ARL9: variants seen among roughly 807,000 people sequenced by gnomAD.
ARL9 encodes the protein ADP-ribosylation factor-like protein 9.
Under a neutral mutation model 27.0 loss-of-function variants are expected in ARL9, and 14 were observed. That is an observed-to-expected ratio of 0.52 (90% CI 0.34 to 0.81). The LOEUF is 0.81. Ranked by LOEUF, ARL9 falls within the 30% of genes least tolerant of loss-of-function variation. The probability of loss-of-function intolerance (pLI) is 0.01; values close to 1 mark genes in which losing one functional copy is unlikely to be tolerated. For missense variants in ARL9, 294 were observed against 290.0 expected (o/e 1.01, Z -0.10); for synonymous variants, 106 against 108.7 (o/e 0.98, Z 0.15).
chr4:56,513,645 C>T (rs1560697373), intron 2 of ARL9, among the ~76,000 whole-genome samples: 1 of 152,178 alleles, frequency 6.6e-6, no homozygotes. Flanking sequence ...TGAGTTCAAA[C>T]TGGAGTGGCA....
intron 2 of ARL9, among the ~76,000 whole-genome samples, chr4:56,513,415 G>A (rs1721691619): frequency 6.6e-6 from 1 of 152,182 alleles, no homozygotes; most frequent in Non-Finnish European, 1.5e-5. Flanking sequence ...AATTCTTGTA[G>A]TTTATGCACT....
chr4:56,519,627 T>C (rs1402818766), intron 3 of ARL9, among the ~76,000 whole-genome samples: 1 of 152,088 alleles, frequency 6.6e-6, no homozygotes, highest in African/African-American at 2.4e-5. Context: ...AATTCCCTTA[T>C]GATGCAGCAA....
chr4:56,506,142 G>C lies in ARL9; in HGVS notation c.279+1G>C. The C allele has an allele frequency of 8.1e-7, 1 of 1,233,656 alleles. No individual in the cohort carries two copies. The highest frequency in any genetic ancestry group is 1.0e-6 in the Non-Finnish European group (1 of 989,162). The allele number at this position is 1,233,656 out of a possible 1,614,324, so 76.4% of individuals were successfully genotyped here. A position where few individuals can be genotyped will look rare whatever the true frequency, so the allele number is the denominator to read the frequency against. On this transcript the variant is annotated splice_donor_variant, in intron 1 of 3. Transcript: ENST00000640821. LOFTEE classifies it high-confidence loss of function. ...GACAAGGACCCCGCTCGAGCCGCTG[G>C]TAAGAGACCCAGTGCCCAGGACCCC... is the stretch of plus-strand genomic sequence containing the variant.
chr4:56,506,703 C>G, intron 1 of ARL9: 1 of 985,086 alleles, frequency 1.0e-6, no homozygotes, highest in East Asian at 1.1e-4. Flanking sequence ...GCTGAATGGT[C>G]TCTGTGCTCC....
intron 1 of ARL9, among the ~76,000 whole-genome samples, 178 bp from the exon 2 acceptor site, chr4:56,511,007 A>T (rs550293209): frequency 1.3e-5 from 2 of 152,268 alleles, no homozygotes; most frequent in African/African-American, 4.8e-5. Context: ...TTCTGACCTC[A>T]AGAGATCCTC....
upstream of ARL9, chr4:56,505,749 C>T (rs1407341504): frequency 3.6e-6 from 5 of 1,398,370 alleles, no homozygotes; most frequent in South Asian, 6.4e-5. Context: ...GTTGTCTACG[C>T]CGCGGGGCCT....
chr4:56,519,445 A>G (rs1392840459), intron 3 of ARL9, among the ~76,000 whole-genome samples: 1 of 152,152 alleles, frequency 6.6e-6, no homozygotes, highest in Non-Finnish European at 1.5e-5. Flanking sequence ...CCCTGTCTCT[A>G]CTAAAATACA....
upstream of ARL9, chr4:56,505,236 T>C: frequency 2.9e-6 from 1 of 342,414 alleles, no homozygotes; most frequent in South Asian, 2.1e-5. Context: ...TCCTGGGTAA[T>C]AGTCAACTAA....
chr4:56,517,988 A>G (rs1721810462), intron 2 of ARL9, among the ~76,000 whole-genome samples: 3 of 151,772 alleles, frequency 2.0e-5, no homozygotes, highest in African/African-American at 7.3e-5. Context: ...TTAGTAGCAT[A>G]CTCCCATTTT....
chr4:56,511,380 C>T (rs1264029009), intron 2 of ARL9, 33 bp downstream of exon 2: 2 of 1,579,054 alleles, frequency 1.3e-6, no homozygotes, highest in Non-Finnish European at 8.6e-7. Context: ...ATAAGATAGC[C>T]ACATTTTATT....
At chr4:56,521,471 C>T (rs1358895587) in intron 3 of ARL9, among the ~76,000 whole-genome samples, 3 of 152,146 alleles carry the variant, frequency 2.0e-5, no homozygotes, top group Admixed American at 1.3e-4. Context: ...TGTCTATGAA[C>T]ATTTTGCTGG....
At chr4:56,509,386 G>C (rs1721565129) in intron 1 of ARL9, among the ~76,000 whole-genome samples, 1 of 150,768 alleles carries the variant, frequency 6.6e-6, no homozygotes, top group South Asian at 2.1e-4. Context: ...TTTTGGTAGA[G>C]ACAGGGTTAT....
chr4:56,521,700 G>C (rs1017159085), intron 3 of ARL9, among the ~76,000 whole-genome samples: 4 of 152,094 alleles, frequency 2.6e-5, no homozygotes, highest in Non-Finnish European at 5.9e-5. Context: ...TTATTCTAAT[G>C]TGCATTTCCT....
In ARL9 at chr4:56,522,195, C is replaced by T. The variant is rs565849319; in HGVS notation, c.619-1502C>T. Among the ~76,000 whole-genome samples the T allele has an allele frequency of 1.2e-4, 18 of 152,126 alleles. No individual in the cohort carries two copies. In the South Asian group the frequency reaches 3.7e-3, roughly 32 times the overall value. Reference sequence around the variant, plus strand: ...CAGCACTTTGGAAGGCCAAGGCGGGCGGAACACCTGAGGTCAGGAGTTCGA... The same window carrying T: ...CAGCACTTTGGAAGGCCAAGGCGGGTGGAACACCTGAGGTCAGGAGTTCGA... On this transcript the variant is annotated intron_variant, in intron 3 of 3. Coordinates refer to ENST00000640821, the MANE Select transcript of ARL9 (RefSeq NM_001363794.2).
intron 1 of ARL9, among the ~76,000 whole-genome samples, chr4:56,507,611 G>A (rs1026189644): frequency 6.6e-6 from 1 of 150,568 alleles, no homozygotes; most frequent in East Asian, 2.0e-4. Context: ...CACTGTGCCC[G>A]GCCTGGGAAC....
At chr4:56,508,606 G>A (rs1405684829) in intron 1 of ARL9, among the ~76,000 whole-genome samples, 1 of 152,102 alleles carries the variant, frequency 6.6e-6, no homozygotes, top group Admixed American at 6.5e-5. Context: ...GGCTGGTCTC[G>A]AACTCCTGAC....
intron 1 of ARL9, among the ~76,000 whole-genome samples, chr4:56,509,701 A>ATT (rs766835732): frequency 0.02 from 1,959 of 98,248 alleles, 167 homozygotes; most frequent in African/African-American, 0.076. Flanking sequence ...CACTGGGCTA[A>ATT]TTTTTTTTTT....
upstream of ARL9, chr4:56,505,773 G>A: frequency 7.3e-7 from 1 of 1,366,120 alleles, no homozygotes; most frequent in Admixed American, 3.4e-5. Flanking sequence ...TCTCTGTCGG[G>A]CGTGCACCTC....
At chr4:56,511,728 T>C (rs765394196) in intron 2 of ARL9, among the ~76,000 whole-genome samples, 8 of 152,216 alleles carry the variant, frequency 5.3e-5, no homozygotes, top group Non-Finnish European at 1.0e-4. Context: ...TCTAAATAGA[T>C]GGCAGTCCAC....
Sources: allele counts gnomAD v4.1 joint callset (sites outside exome capture counted in the v4.1 genomes callset), GRCh38; gene constraint gnomAD v4.1.1; transcripts MANE v1.5; gene names NCBI Gene and HGNC (gene_info 2026-07-23, HGNC 2026-07-21).